Variants in TMEM232 observed in about 807,000 individuals in gnomAD.
TMEM232 encodes transmembrane protein 232.
TMEM232 carries 80 observed loss-of-function variants against 78.8 expected under a neutral mutation model. The ratio of observed to expected loss-of-function variants is 1.01; its 90% CI spans 0.85 to 1.22. The LOEUF (loss-of-function observed/expected upper bound fraction) is 1.22, where lower values mean the gene tolerates loss of function less well. Ranked by LOEUF, TMEM232 falls within the 50% of genes most tolerant of loss-of-function variation. The probability of loss-of-function intolerance (pLI) is 0.00; values close to 1 mark genes in which losing one functional copy is unlikely to be tolerated. For synonymous variants in TMEM232, 297 were observed against 254.3 expected (o/e 1.17, Z -1.60); for missense variants, 881 against 742.2 (o/e 1.19, Z -2.17).
intron 10 of TMEM232, among the ~76,000 whole-genome samples, chr5:110,569,746 G>A (rs369529508): frequency 1.3e-5 from 2 of 151,732 alleles, no homozygotes; most frequent in South Asian, 4.2e-4. Context: ...TACCGGAGGG[G>A]GTACTAACTA....
intron 12 of TMEM232, among the ~76,000 whole-genome samples, chr5:110,442,465 T>C (rs953400372): frequency 1.3e-5 from 2 of 152,026 alleles, no homozygotes; most frequent in African/African-American, 4.8e-5. Context: ...CTCTGCTTGA[T>C]TTAAAAAAAT....
At chr5:110,676,364 T>C (rs1313644502) in intron 1 of TMEM232, among the ~76,000 whole-genome samples, 1 of 151,974 alleles carries the variant, frequency 6.6e-6, no homozygotes, top group Non-Finnish European at 1.5e-5. Context: ...GCTATACTAA[T>C]TTACATTGAC....
At chr5:110,695,636 C>G (rs937138797) in intron 1 of TMEM232, among the ~76,000 whole-genome samples, 1 of 152,164 alleles carries the variant, frequency 6.6e-6, no homozygotes. Context: ...ACCGATCCCA[C>G]AGAAATACAA....
intron 12 of TMEM232, among the ~76,000 whole-genome samples, chr5:110,494,705 A>G (rs1765460091): frequency 6.6e-6 from 1 of 152,098 alleles, no homozygotes; most frequent in African/African-American, 2.4e-5. Context: ...CTGAATGTCC[A>G]TTGACAGAGA....
chr5:110,523,473 GTTGT>G (rs1406541012), intron 12 of TMEM232, among the ~76,000 whole-genome samples: 4 of 151,842 alleles, frequency 2.6e-5, no homozygotes, highest in East Asian at 1.9e-4. Context: ...GTAAATTTAG[GTTGT>G]TTATTTGAGA....
chr5:110,499,913 A>C (rs1053755649), intron 12 of TMEM232, among the ~76,000 whole-genome samples: 1 of 152,194 alleles, frequency 6.6e-6, no homozygotes, highest in African/African-American at 2.4e-5. Flanking sequence ...ATATAGAACA[A>C]CACACAAAAC....
intron 10 of TMEM232, among the ~76,000 whole-genome samples, chr5:110,602,625 TTAAAAA>T (rs1480010555): frequency 1.3e-5 from 2 of 152,082 alleles, no homozygotes; most frequent in Non-Finnish European, 2.9e-5. Context: ...ATGGCGATCA[TTAAAAA>T]GTCAGGAAAC....
upstream of TMEM232, among the ~76,000 whole-genome samples, chr5:110,728,059 T>C (rs1191283407): frequency 7.2e-5 from 11 of 152,032 alleles, no homozygotes; most frequent in Non-Finnish European, 1.5e-4. Context: ...CAAATGAAGA[T>C]TGAATTAAAA....
chr5:110,689,260 A>T (rs1793795983), intron 1 of TMEM232, among the ~76,000 whole-genome samples: 1 of 152,186 alleles, frequency 6.6e-6, no homozygotes, highest in Admixed American at 6.5e-5. Flanking sequence ...TCAACCAATC[A>T]AGCAAAACAG....
At position 110,665,278 on chromosome 5, in the gene TMEM232, A is replaced by G. The variant is rs115086050; in HGVS notation, c.125+1950T>C. 6.7e-3 allele frequency among the ~76,000 whole-genome samples: 1,022 copies of G among 152,288 alleles called. 16 individuals are homozygous for G. Among genetic ancestry groups the G allele is most frequent in the African/African-American group, 0.024 (992 of 41,568 alleles). Reference sequence around the variant, plus strand: ...AATTATGGACATTGAACAGAAATTAATATTTTAAAACGTGTTCCATGAGTT... The same window carrying G: ...AATTATGGACATTGAACAGAAATTAGTATTTTAAAACGTGTTCCATGAGTT... On this transcript the variant is annotated intron_variant, in intron 2 of 13. Coordinates refer to ENST00000455884, the MANE Select transcript of TMEM232 (RefSeq NM_001039763.4).
intron 12 of TMEM232, among the ~76,000 whole-genome samples, chr5:110,425,338 A>C (rs1472617924): frequency 6.6e-6 from 1 of 152,166 alleles, no homozygotes; most frequent in South Asian, 2.1e-4. Flanking sequence ...ACAAAGCTGG[A>C]CCTCAAACTA....
At chr5:110,584,410 C>T (rs375613370) in intron 10 of TMEM232, among the ~76,000 whole-genome samples, 10 of 152,022 alleles carry the variant, frequency 6.6e-5, no homozygotes, top group African/African-American at 2.2e-4. Context: ...AGAAGGGTAA[C>T]TACTACATGA....
At chr5:110,471,176 G>T (rs535269714) in intron 12 of TMEM232, among the ~76,000 whole-genome samples, 1 of 152,190 alleles carries the variant, frequency 6.6e-6, no homozygotes, top group South Asian at 2.1e-4. Flanking sequence ...TGAACTTGAA[G>T]ACTGGTCATT....
At position 110,477,976 on chromosome 5, in the gene TMEM232, C is replaced by G. The variant is rs182789007; in HGVS notation, c.1703+50612G>C. Among the ~76,000 whole-genome samples, 4 of 151,866 alleles carry G rather than the reference C, an allele frequency of 2.6e-5. No homozygotes were observed. The East Asian group carries it at 7.7e-4, about 29-fold the overall frequency. On this transcript the variant is annotated intron_variant, in intron 12 of 13. Transcript: ENST00000455884. ...TCTTAATATCTTTTATATTTATGTT[C>G]AGTTTAGAATGAGAGGATTAGAATA...
chr5:110,410,386 G>C (rs954109545), intron 2 of TMEM232, among the ~76,000 whole-genome samples: 3 of 152,260 alleles, frequency 2.0e-5, no homozygotes, highest in Middle Eastern at 6.8e-3. Flanking sequence ...ACAGCTTGAG[G>C]ATACTGAAGG....
intron 10 of TMEM232, among the ~76,000 whole-genome samples, chr5:110,586,744 G>C (rs1221047671): frequency 6.6e-6 from 1 of 152,068 alleles, no homozygotes; most frequent in African/African-American, 2.4e-5. Flanking sequence ...AGCAAGGGAA[G>C]ACTTTCACAT....
intron 10 of TMEM232, among the ~76,000 whole-genome samples, chr5:110,600,987 G>A (rs1325426207): frequency 6.6e-6 from 1 of 152,192 alleles, no homozygotes; most frequent in Non-Finnish European, 1.5e-5. Flanking sequence ...TCCCTGAGAT[G>A]CAAGGCTGGT....
intron 2 of TMEM232, chr5:110,734,794 C>T (rs1197338602): frequency 6.6e-6 from 1 of 152,086 alleles, no homozygotes; most frequent in Non-Finnish European, 1.5e-5. Flanking sequence ...CAAAAGAAAA[C>T]AAAAACACCT....
intron 12 of TMEM232, among the ~76,000 whole-genome samples, chr5:110,442,012 T>C (rs1759108085): frequency 6.6e-6 from 1 of 151,664 alleles, no homozygotes; most frequent in Non-Finnish European, 1.5e-5. Context: ...GCTCCATGTA[T>C]GTGGCTTCTT....
Sources: allele counts gnomAD v4.1 joint callset (sites outside exome capture counted in the v4.1 genomes callset), GRCh38; gene constraint gnomAD v4.1.1; transcripts MANE v1.5; gene names NCBI Gene and HGNC (gene_info 2026-07-23, HGNC 2026-07-21).